MAGI1: variants seen among roughly 807,000 people sequenced by gnomAD.
MAGI1 encodes the protein membrane associated guanylate kinase, WW and PDZ domain containing 1.
A neutral mutation model predicts 139.9 loss-of-function variants in MAGI1; 58 were observed. That is an observed-to-expected ratio of 0.41 (90% CI 0.34 to 0.52). MAGI1 has a LOEUF of 0.52. Among genes scored for constraint, MAGI1 ranks in the 20% least tolerant of loss-of-function variants. The pLI is 0.12. For synonymous variants in MAGI1, 812 were observed against 737.9 expected, an observed-to-expected ratio of 1.10 and a Z score of -1.63; for missense variants, 1,874 against 1,901.6, an observed-to-expected ratio of 0.99 and a Z score of 0.27.
intron 1 of MAGI1, among the ~76,000 whole-genome samples, chr3:65,970,622 G>A (rs1344788363): frequency 1.1e-4 from 16 of 151,436 alleles, no homozygotes; most frequent in Non-Finnish European, 1.5e-5. Context: ...GAAATAAATG[G>A]AACAAACCTG....
At chr3:65,387,209 C>T (rs1943520934) in intron 14 of MAGI1, 1 of 1,613,906 alleles carries the variant, frequency 6.2e-7, no homozygotes, top group Non-Finnish European at 8.5e-7. Flanking sequence ...AATCCCGACG[C>T]AGGTGAAGGT....
At chr3:65,459,071 A>G (rs1436342815) in intron 5 of MAGI1, among the ~76,000 whole-genome samples, 4 of 152,114 alleles carry the variant, frequency 2.6e-5, no homozygotes, top group African/African-American at 9.7e-5. Flanking sequence ...CCTTTCCCCA[A>G]TGTGTGTGCT....
At position 65,901,013 on chromosome 3, in the gene MAGI1, A is replaced by G. The variant is rs141575279; in HGVS notation, c.313+136983T>C. Among the ~76,000 whole-genome samples, 180 of 152,360 alleles carry G rather than the reference A, an allele frequency of 1.2e-3. 2 individuals carry two copies. The highest frequency in any genetic ancestry group is 4.1e-3 in the African/African-American group (170 of 41,596). ...TGAAAAATACCTACAGAAAAACCTG[A>G]TAAGGTTCAAAGTCTTAGTCCCGGG... is the stretch of plus-strand genomic sequence containing the variant. On this transcript the variant is annotated intron_variant, in intron 1 of 22. Transcript: ENST00000402939.
intron 1 of MAGI1, among the ~76,000 whole-genome samples, chr3:65,802,471 G>A (rs150381898): frequency 7.9e-5 from 12 of 152,282 alleles, no homozygotes; most frequent in African/African-American, 2.6e-4. Flanking sequence ...CAGAGCATCT[G>A]TGTAAGAAAT....
chr3:65,494,403 A>G (rs1952272493), intron 2 of MAGI1, among the ~76,000 whole-genome samples: 1 of 152,206 alleles, frequency 6.6e-6, no homozygotes, highest in Admixed American at 6.5e-5. Flanking sequence ...CTATGGATTT[A>G]TCATTTTAGC....
At chr3:65,896,318 A>C (rs1337497931) in intron 1 of MAGI1, among the ~76,000 whole-genome samples, 2 of 151,416 alleles carry the variant, frequency 1.3e-5, no homozygotes, top group Non-Finnish European at 2.9e-5. Context: ...AAAAAGTACA[A>C]CCATGCCCAT....
chr3:65,701,399 T>G (rs1297942849), intron 1 of MAGI1, among the ~76,000 whole-genome samples: 1 of 152,118 alleles, frequency 6.6e-6, no homozygotes, highest in Non-Finnish European at 1.5e-5. Flanking sequence ...ATTACAAGCA[T>G]GCACCACCAC....
chr3:65,802,882 G>C (rs1357776761), intron 1 of MAGI1, among the ~76,000 whole-genome samples: 1 of 151,566 alleles, frequency 6.6e-6, no homozygotes, highest in Non-Finnish European at 1.5e-5. Flanking sequence ...GTGTGTGTGT[G>C]TGTGTGTGTC....
rs1435965382 is a variant in MAGI1 at position 65,812,447 on chromosome 3, C to G, written c.314-190359G>C. Among the ~76,000 whole-genome samples the G allele has an allele frequency of 2.6e-5, 3 of 115,642 alleles. 1 individual carries two copies. Among genetic ancestry groups the G allele is most frequent in the Non-Finnish European group, 5.4e-5 (3 of 55,902 alleles). The allele number at this position is 115,642 out of a possible 152,430, so 75.9% of individuals were successfully genotyped here. A position where few individuals can be genotyped will look rare whatever the true frequency, so the allele number is the denominator to read the frequency against. On this transcript the variant is annotated intron_variant, in intron 1 of 22. Transcript: ENST00000402939. ...TTTTATAAAATCTCTCTCTCTCTTT[C>G]TCTCTCTCTCTCTCTCTCTCTCACA...
At chr3:65,664,046 A>G (rs2086362331) in intron 1 of MAGI1, among the ~76,000 whole-genome samples, 1 of 152,220 alleles carries the variant, frequency 6.6e-6, no homozygotes, top group Non-Finnish European at 1.5e-5. Context: ...ATATATCTCA[A>G]CTAAGTGATA....
chr3:65,550,893 C>T (rs2079795686), intron 2 of MAGI1, among the ~76,000 whole-genome samples: 2 of 152,112 alleles, frequency 1.3e-5, no homozygotes, highest in South Asian at 4.1e-4. Flanking sequence ...ATTGCATGGG[C>T]CTAGGAGTCT....
intron 12 of MAGI1, among the ~76,000 whole-genome samples, chr3:65,420,581 A>ATG (rs1946569329): frequency 6.6e-6 from 1 of 152,178 alleles, no homozygotes. Flanking sequence ...CAGTGCCTAG[A>ATG]CGATGACAGG....
At chr3:65,656,825 C>G (rs1039672796) in intron 1 of MAGI1, among the ~76,000 whole-genome samples, 1 of 151,646 alleles carries the variant, frequency 6.6e-6, no homozygotes, top group Non-Finnish European at 1.5e-5. Flanking sequence ...TGGTGAAACC[C>G]CGTCTCTACC....
intron 1 of MAGI1, among the ~76,000 whole-genome samples, chr3:65,853,673 G>A (rs1011358447): frequency 6.6e-6 from 1 of 152,170 alleles, no homozygotes; most frequent in Non-Finnish European, 1.5e-5. Flanking sequence ...TGAATGCAAG[G>A]AAACAAAAGC....
rs769534382 is a variant in MAGI1, at chr3:65,493,621, T to C, written c.441A>G (p.Arg147=). The C allele has an allele frequency of 6.2e-7, 1 of 1,614,070 alleles. No homozygotes were observed. Among genetic ancestry groups the C allele is most frequent in the Non-Finnish European group, 8.5e-7 (1 of 1,180,018 alleles). The change falls in exon 3 of 23, where the codon CGA becomes CGG. Residue 147 remains arginine, a synonymous_variant. Transcript: ENST00000402939. ...LYRHAVPCTT[R]SPREGEVPGV... ...CAGGCACTTCTCCTTCTCTGGGAGA[T>C]CGGGTTGTGCCTGTAGCAGAAAATA...
At chr3:65,737,287 A>G (rs567600042) in intron 1 of MAGI1, among the ~76,000 whole-genome samples, 10 of 152,308 alleles carry the variant, frequency 6.6e-5, no homozygotes, top group African/African-American at 9.6e-5. Flanking sequence ...TTACAGGCGT[A>G]AGCCACTGCG....
chr3:65,730,100 C>T (rs2107727639), intron 1 of MAGI1, among the ~76,000 whole-genome samples: 1 of 152,318 alleles, frequency 6.6e-6, no homozygotes, highest in South Asian at 2.1e-4. Flanking sequence ...CAGATTGAGA[C>T]AAAATATACT....
At chr3:65,431,598 A>G (rs1048164054) in intron 10 of MAGI1, among the ~76,000 whole-genome samples, 1 of 152,092 alleles carries the variant, frequency 6.6e-6, no homozygotes, top group Middle Eastern at 3.4e-3. Flanking sequence ...AAAAACAAAC[A>G]AAGAAACCCC....
chr3:65,374,013 T>C (rs1942256253), intron 18 of MAGI1, among the ~76,000 whole-genome samples: 1 of 152,248 alleles, frequency 6.6e-6, no homozygotes, highest in South Asian at 2.1e-4. Flanking sequence ...GCAGTTAGTA[T>C]ATAAAAATAC....
Sources: gnomAD v4.1 joint callset for allele counts (sites outside exome capture counted in the v4.1 genomes callset) on GRCh38, gnomAD v4.1.1 for gene constraint, MANE v1.5 for transcripts, NCBI Gene and HGNC (gene_info 2026-07-23, HGNC 2026-07-21) for gene names.